Variants in NALF1 observed in about 807,000 individuals in gnomAD.
NALF1 encodes family with sequence similarity 155 member A.
A neutral mutation model predicts 48.4 loss-of-function variants in NALF1; 3 were observed. The ratio of observed to expected loss-of-function variants is 0.06; its 90% CI spans 0.03 to 0.16. The LOEUF (loss-of-function observed/expected upper bound fraction) is 0.16. Ranked by LOEUF, NALF1 falls within the 10% of genes least tolerant of loss-of-function variation. The probability of loss-of-function intolerance (pLI) is 1.00; values close to 1 mark genes in which losing one functional copy is unlikely to be tolerated. For synonymous variants in NALF1, 262 were observed against 245.7 expected, an observed-to-expected ratio of 1.07 and a Z score of -0.62; for missense variants, 526 against 571.5, an observed-to-expected ratio of 0.92 and a Z score of 0.81.
intron 1 of NALF1, among the ~76,000 whole-genome samples, chr13:107,724,079 T>G (rs912031549): frequency 6.0e-4 from 91 of 152,258 alleles, no homozygotes; most frequent in African/African-American, 2.0e-3. Flanking sequence ...TAATACTGCT[T>G]ACAAAGAACA....
intron 1 of NALF1, among the ~76,000 whole-genome samples, chr13:107,294,151 G>A (rs1028303888): frequency 2.8e-4 from 42 of 152,074 alleles, no homozygotes; most frequent in African/African-American, 8.9e-4. Flanking sequence ...ACCCCCATTG[G>A]GCACCAGTCC....
intron 1 of NALF1, among the ~76,000 whole-genome samples, chr13:107,750,803 C>A (rs770604210): frequency 1.3e-5 from 2 of 152,134 alleles, no homozygotes; most frequent in African/African-American, 4.8e-5. Flanking sequence ...AACTAATAGA[C>A]GTTAAAGTTG....
chr13:107,603,268 T>C (rs1878981650), intron 1 of NALF1, among the ~76,000 whole-genome samples: 1 of 152,336 alleles, frequency 6.6e-6, no homozygotes, highest in Middle Eastern at 3.4e-3. Context: ...ACTTTTGGAC[T>C]CATGACTCCA....
chr13:107,580,168 A>G (rs1054176121), intron 1 of NALF1, among the ~76,000 whole-genome samples: 4 of 152,134 alleles, frequency 2.6e-5, no homozygotes, highest in African/African-American at 9.7e-5. Context: ...GAAATTGGAA[A>G]TCATCATTCT....
At chr13:107,239,044 A>C (rs1166237956) in intron 1 of NALF1, among the ~76,000 whole-genome samples, 1 of 152,240 alleles carries the variant, frequency 6.6e-6, no homozygotes, top group African/African-American at 2.4e-5. Flanking sequence ...AAGGATGAAA[A>C]GGAGAAGACA....
chr13:107,584,627 T>C lies in NALF1; in HGVS notation c.915+281055A>G, dbSNP rs573474390. On this transcript the variant is annotated intron_variant, in intron 1 of 2. Coordinates refer to ENST00000375915, the MANE Select transcript of NALF1 (RefSeq NM_001080396.3). ...TGTATGAAATGATGTTAAAATACAC[T>C]GTAATGTTGACTAAACTGCCCTCAT... Among the ~76,000 whole-genome samples the C allele has an allele frequency of 1.6e-3, 237 of 152,306 alleles. 1 individual carries two copies. Among genetic ancestry groups the C allele is most frequent in the African/African-American group, 5.4e-3 (225 of 41,578 alleles).
intron 1 of NALF1, among the ~76,000 whole-genome samples, chr13:107,572,570 G>C (rs965885757): frequency 6.6e-6 from 1 of 152,142 alleles, no homozygotes; most frequent in Admixed American, 6.6e-5. Context: ...ACTTCTACCA[G>C]CATCCATTAA....
At chr13:107,695,091 C>A (rs572346392) in intron 1 of NALF1, among the ~76,000 whole-genome samples, 8 of 152,268 alleles carry the variant, frequency 5.3e-5, no homozygotes, top group African/African-American at 1.7e-4. Flanking sequence ...CCACACCTGG[C>A]CTGATGTCAG....
intron 1 of NALF1, among the ~76,000 whole-genome samples, chr13:107,790,691 T>C (rs1318467219): frequency 6.6e-6 from 1 of 152,192 alleles, no homozygotes; most frequent in Non-Finnish European, 1.5e-5. Flanking sequence ...AGCAGCTGTT[T>C]CACCATGTTC....
At chr13:107,309,818 T>A (rs1009326184) in intron 1 of NALF1, among the ~76,000 whole-genome samples, 1 of 152,232 alleles carries the variant, frequency 6.6e-6, no homozygotes, top group African/African-American at 2.4e-5. Context: ...AGTATGCAGC[T>A]TAAATTTCAA....
intron 1 of NALF1, among the ~76,000 whole-genome samples, chr13:107,324,665 T>C (rs1012944624): frequency 3.3e-5 from 5 of 152,208 alleles, no homozygotes; most frequent in Non-Finnish European, 2.9e-5. Context: ...GTATCAGTTG[T>C]GTTTGTGTGC....
At chr13:107,426,659 C>T (rs1884285998) in intron 1 of NALF1, among the ~76,000 whole-genome samples, 1 of 152,142 alleles carries the variant, frequency 6.6e-6, no homozygotes, top group Admixed American at 6.5e-5. Flanking sequence ...CCATAAATTG[C>T]TTGTATATAA....
intron 1 of NALF1, among the ~76,000 whole-genome samples, chr13:107,414,027 T>C (rs74369171): frequency 0.22 from 32,988 of 152,104 alleles, 4,053 homozygotes; most frequent in Middle Eastern, 0.28. Flanking sequence ...CCTCAGGTGC[T>C]CAGCCCACCT....
chr13:107,223,937 C>T (rs1272945520), intron 1 of NALF1, among the ~76,000 whole-genome samples: 1 of 152,082 alleles, frequency 6.6e-6, no homozygotes, highest in Admixed American at 6.6e-5. Context: ...CTTCTTTATC[C>T]TGAGCTAAAC....
At chr13:107,769,690 TAA>T (rs71121554) in intron 1 of NALF1, among the ~76,000 whole-genome samples, 6,244 of 146,948 alleles carry the variant, frequency 0.042, 158 homozygotes, top group African/African-American at 0.071. Flanking sequence ...TAAAGTATAA[TAA>T]AAAAAAAAAA....
chr13:107,197,557 A>C (rs1049692668), intron 2 of NALF1, among the ~76,000 whole-genome samples: 1 of 152,186 alleles, frequency 6.6e-6, no homozygotes, highest in Non-Finnish European at 1.5e-5. Flanking sequence ...CTGCTTCTTC[A>C]TGTGTGGCTG....
chr13:107,367,191 C>G (rs1357163367), intron 1 of NALF1, among the ~76,000 whole-genome samples: 2 of 152,186 alleles, frequency 1.3e-5, no homozygotes, highest in Non-Finnish European at 1.5e-5. Context: ...TGAGGGATAA[C>G]TCTTCTTACC....
At chr13:107,809,572 A>C (rs1878922501) in intron 1 of NALF1, among the ~76,000 whole-genome samples, 1 of 152,142 alleles carries the variant, frequency 6.6e-6, no homozygotes, top group Non-Finnish European at 1.5e-5. Flanking sequence ...TCTGCACAGC[A>C]AATTTAAAAT....
intron 1 of NALF1, among the ~76,000 whole-genome samples, chr13:107,538,531 T>C (rs1294547001): frequency 1.3e-5 from 2 of 152,190 alleles, no homozygotes; most frequent in African/African-American, 4.8e-5. Context: ...TCTAATCATA[T>C]GATCTCATAA....
Sources: gnomAD v4.1 joint callset for allele counts (sites outside exome capture counted in the v4.1 genomes callset) on GRCh38, gnomAD v4.1.1 for gene constraint, MANE v1.5 for transcripts, NCBI Gene and HGNC (gene_info 2026-07-23, HGNC 2026-07-21) for gene names.